Variants in SHLD2 observed in about 807,000 individuals in gnomAD.
SHLD2 encodes the protein RINN1-REV7-interacting novel NHEJ regulator 2.
Under a neutral mutation model 73.2 loss-of-function variants are expected in SHLD2, and 30 were observed. The ratio of observed to expected loss-of-function variants is 0.41; its 90% CI spans 0.31 to 0.56. The LOEUF (loss-of-function observed/expected upper bound fraction) is 0.56, where lower values mean the gene tolerates loss of function less well. Ranked by LOEUF, SHLD2 falls within the 20% of genes least tolerant of loss-of-function variation. The pLI, the probability that SHLD2 is intolerant of heterozygous loss-of-function variation, is 0.28. For synonymous variants in SHLD2, 285 were observed against 370.1 expected (o/e 0.77, Z 2.64); for missense variants, 745 against 1,055.9 (o/e 0.71, Z 4.08).
intron 2 of SHLD2, among the ~76,000 whole-genome samples, chr10:87,105,959 A>T (rs1453881296): frequency 6.6e-6 from 1 of 152,198 alleles, no homozygotes; most frequent in East Asian, 1.9e-4. Context: ...GTACAGGCAG[A>T]CTGTGCCAGC....
intron 4 of SHLD2, among the ~76,000 whole-genome samples, chr10:87,168,290 C>T (rs1266428700): frequency 2.0e-5 from 3 of 152,070 alleles, no homozygotes; most frequent in East Asian, 1.9e-4. Context: ...TGGAATTCTA[C>T]GCAGCCATAA....
chr10:87,132,286 T>C (rs1844484714), intron 2 of SHLD2, among the ~76,000 whole-genome samples: 1 of 152,150 alleles, frequency 6.6e-6, no homozygotes, highest in South Asian at 2.1e-4. Context: ...ATATTTTAGG[T>C]GCTCTCCTCT....
rs1417416824 is a variant in SHLD2, at chr10:87,181,314, G to T, written c.2399+1011G>T. On this transcript the variant is annotated intron_variant, in intron 8 of 9. Coordinates refer to ENST00000298786, the MANE Select transcript of SHLD2 (RefSeq NM_001330112.2). ...GCAGGAGGATTGTTTGAGCCCAGGA[G>T]ATCGATTGTTACAGTGAGCTATGTT... Among the ~76,000 whole-genome samples the T allele has an allele frequency of 5.9e-5, 9 of 151,346 alleles. No homozygotes were observed. In the South Asian group the frequency reaches 6.3e-4, roughly 11 times the overall value.
At chr10:87,146,243 T>C (rs563123484) in intron 2 of SHLD2, among the ~76,000 whole-genome samples, 3 of 152,300 alleles carry the variant, frequency 2.0e-5, no homozygotes, top group African/African-American at 7.2e-5. Context: ...AGGACGGCTT[T>C]AAATGCAACC....
chr10:87,117,497 T>C (rs1843326550), intron 2 of SHLD2, among the ~76,000 whole-genome samples: 1 of 151,762 alleles, frequency 6.6e-6, no homozygotes, highest in Non-Finnish European at 1.5e-5. Flanking sequence ...AAATTCAGTT[T>C]TTAAAAACGT....
chr10:87,114,647 C>T (rs1340169159), intron 2 of SHLD2, among the ~76,000 whole-genome samples: 1 of 152,062 alleles, frequency 6.6e-6, no homozygotes, highest in African/African-American at 2.4e-5. Flanking sequence ...ATCACTTGAA[C>T]TCGGGAGGTG....
At chr10:87,171,310 C>G (rs1455961885) in intron 6 of SHLD2, among the ~76,000 whole-genome samples, 1 of 151,928 alleles carries the variant, frequency 6.6e-6, no homozygotes, top group Non-Finnish European at 1.5e-5. Context: ...TTTTTTCAGC[C>G]AGAGTACTCT....
At position 87,112,263 on chromosome 10, in the gene SHLD2, T is replaced by G. The variant is rs1842977378; in HGVS notation, c.-6+15274T>G. 4.9e-5 allele frequency among the ~76,000 whole-genome samples: 7 copies of G among 143,026 alleles called. No individual in the cohort carries two copies. The South Asian group carries it at 1.6e-3, about 32-fold the overall frequency. The allele number at this position is 143,026 out of a possible 152,430, so 93.8% of individuals were successfully genotyped here. A position where few individuals can be genotyped will look rare whatever the true frequency, so the allele number is the denominator to read the frequency against. On this transcript the variant is annotated intron_variant, in intron 2 of 9. Transcript: ENST00000298786. ...AAAAAAAAAAAAAAGGGCAAAGAAT[T>G]TGAAGAGATATGTCTCCAAAGAAAA... is the stretch of plus-strand genomic sequence containing the variant.
chr10:87,188,614 T>C (rs1848788298), intron 9 of SHLD2, among the ~76,000 whole-genome samples: 1 of 152,144 alleles, frequency 6.6e-6, no homozygotes. Flanking sequence ...GGCAGTTCAT[T>C]GGCTTTTTGC....
chr10:87,131,183 A>AT (rs200807445), intron 2 of SHLD2, among the ~76,000 whole-genome samples: 73 of 150,512 alleles, frequency 4.9e-4, no homozygotes, highest in African/African-American at 1.5e-3. Flanking sequence ...CTTATTTCTA[A>AT]TTTTTTTTTT....
At chr10:87,172,523 A>G (rs1284442173) in intron 6 of SHLD2, among the ~76,000 whole-genome samples, 2 of 152,156 alleles carry the variant, frequency 1.3e-5, no homozygotes, top group Admixed American at 6.5e-5. Flanking sequence ...TTAGAAAGAT[A>G]TATGTAATGT....
intron 2 of SHLD2, among the ~76,000 whole-genome samples, chr10:87,111,115 T>C (rs1842891578): frequency 6.6e-6 from 1 of 152,128 alleles, no homozygotes; most frequent in Non-Finnish European, 1.5e-5. Context: ...GTGCTGGGAT[T>C]ACAGGCATCA....
intron 2 of SHLD2, among the ~76,000 whole-genome samples, chr10:87,108,981 C>T (rs2133987685): frequency 6.6e-6 from 1 of 152,270 alleles, no homozygotes. Context: ...AGGATGATGT[C>T]CCTGCTACTA....
chr10:87,136,537 C>A (rs1388743244), intron 2 of SHLD2, among the ~76,000 whole-genome samples: 1 of 151,926 alleles, frequency 6.6e-6, no homozygotes, highest in African/African-American at 2.4e-5. Flanking sequence ...TGTATTTATA[C>A]TACCCTGTAT....
intron 2 of SHLD2, among the ~76,000 whole-genome samples, chr10:87,137,048 A>C (rs1844847734): frequency 1.3e-5 from 2 of 152,208 alleles, no homozygotes; most frequent in Non-Finnish European, 2.9e-5. Flanking sequence ...TTAATAAGTA[A>C]TCTATTTTTA....
intron 2 of SHLD2, among the ~76,000 whole-genome samples, chr10:87,126,826 T>C (rs1844047842): frequency 6.6e-6 from 1 of 152,220 alleles, no homozygotes; most frequent in African/African-American, 2.4e-5. Context: ...TATTTCTCCA[T>C]TGAAACAGTA....
chr10:87,139,173 A>G (rs1845006965), intron 2 of SHLD2, among the ~76,000 whole-genome samples: 1 of 151,904 alleles, frequency 6.6e-6, no homozygotes, highest in Non-Finnish European at 1.5e-5. Context: ...CATAGTGGAG[A>G]GACTGTTTCA....
In SHLD2 at chr10:87,121,193, C is replaced by T. The variant is rs1414973533; in HGVS notation, c.-6+24204C>T. Among the ~76,000 whole-genome samples the T allele has an allele frequency of 2.6e-5, 4 of 152,182 alleles. No individual in the cohort carries two copies. In the East Asian group the frequency reaches 7.8e-4, roughly 29 times the overall value. On this transcript the variant is annotated intron_variant, in intron 2 of 9. Coordinates refer to ENST00000298786, the MANE Select transcript of SHLD2 (RefSeq NM_001330112.2). ...AGGCTGGGGTGCAGTGATGTGATCT[C>T]TGCTCACTGCAACCTCCGCCTCCCA...
intron 2 of SHLD2, among the ~76,000 whole-genome samples, chr10:87,105,875 G>C (rs927124401): frequency 6.6e-6 from 1 of 152,202 alleles, no homozygotes; most frequent in Non-Finnish European, 1.5e-5. Flanking sequence ...GCTAGGATTG[G>C]GTTGGTTACA....
Sources: allele counts gnomAD v4.1 joint callset (sites outside exome capture counted in the v4.1 genomes callset), GRCh38; gene constraint gnomAD v4.1.1; transcripts MANE v1.5; gene names NCBI Gene and HGNC (gene_info 2026-07-23, HGNC 2026-07-21).